The following RIMBP2 variants were observed in gnomAD, a reference collection of about 807,000 sequenced individuals.
RIMBP2 encodes RIMS binding protein 2.
RIMBP2 carries 48 observed loss-of-function variants against 118.6 expected under a neutral mutation model. The observed-to-expected ratio is 0.40, with a 90% CI of 0.32 to 0.51. The LOEUF (loss-of-function observed/expected upper bound fraction) is 0.51, where lower values mean the gene tolerates loss of function less well. Ranked by LOEUF, RIMBP2 falls within the 20% of genes least tolerant of loss-of-function variation. The pLI, the probability that RIMBP2 is intolerant of heterozygous loss-of-function variation, is 0.41. For synonymous variants in RIMBP2, 762 were observed against 742.9 expected, an observed-to-expected ratio of 1.03 and a Z score of -0.42; for missense variants, 1,551 against 1,768.3, an observed-to-expected ratio of 0.88 and a Z score of 2.20.
intron 2 of RIMBP2, among the ~76,000 whole-genome samples, chr12:130,599,644 C>T (rs2059758136): frequency 6.6e-6 from 1 of 152,230 alleles, no homozygotes; most frequent in African/African-American, 2.4e-5. Flanking sequence ...GATTGGAACT[C>T]TCATATACTG....
intron 1 of RIMBP2, among the ~76,000 whole-genome samples, chr12:130,664,164 C>A (rs1466354605): frequency 6.6e-6 from 1 of 151,734 alleles, no homozygotes; most frequent in African/African-American, 2.4e-5. Flanking sequence ...TTGGTAAAGT[C>A]TTTTCCCCTA....
At chr12:130,404,086 G>A (rs1195996174) in intron 21 of RIMBP2, among the ~76,000 whole-genome samples, 4 of 152,074 alleles carry the variant, frequency 2.6e-5, no homozygotes, top group Non-Finnish European at 5.9e-5. Flanking sequence ...TAAAAATGAT[G>A]ACAAATTATA....
chr12:130,445,143 C>T lies in RIMBP2; in HGVS notation c.691+17G>A. 1 of 1,551,038 alleles carries T rather than the reference C, an allele frequency of 6.4e-7. No homozygotes were observed. The highest frequency in any genetic ancestry group is 8.8e-7 in the Non-Finnish European group (1 of 1,137,194). The stretch of plus-strand genomic sequence containing the variant: ...TGGCCCAGCCTACGTCCGCCACAGC[C>T]ATGTTCCAACAGAGACCTTCATAGA... On this transcript the variant is annotated intron_variant, in intron 10 of 22. Coordinates refer to ENST00000690449, the MANE Select transcript of RIMBP2 (RefSeq NM_001393629.1).
intron 2 of RIMBP2, among the ~76,000 whole-genome samples, chr12:130,616,242 C>A (rs147112519): frequency 2.0e-5 from 3 of 152,194 alleles, no homozygotes; most frequent in Admixed American, 6.5e-5. Context: ...ATTCTGTCTC[C>A]GGTTCCCCGC....
chr12:130,555,974 C>T (rs2056312396), intron 2 of RIMBP2, among the ~76,000 whole-genome samples: 1 of 152,192 alleles, frequency 6.6e-6, no homozygotes, highest in African/African-American at 2.4e-5. Flanking sequence ...CCGACAGGAA[C>T]ATCATGGTTG....
intron 3 of RIMBP2, among the ~76,000 whole-genome samples, chr12:130,514,975 C>G (rs1191021237): frequency 6.6e-6 from 1 of 152,106 alleles, no homozygotes; most frequent in Non-Finnish European, 1.5e-5. Context: ...CTCCCGGGTT[C>G]ATGCCATTCT....
At chr12:130,488,462 G>A (rs1021757349) in intron 4 of RIMBP2, among the ~76,000 whole-genome samples, 5 of 151,826 alleles carry the variant, frequency 3.3e-5, no homozygotes, top group Admixed American at 1.3e-4. Flanking sequence ...TGAGGTCTAC[G>A]AACCAGCCAA....
intron 1 of RIMBP2, among the ~76,000 whole-genome samples, chr12:130,712,285 T>C (rs1949976716): frequency 6.6e-6 from 1 of 152,216 alleles, no homozygotes; most frequent in Non-Finnish European, 1.5e-5. Flanking sequence ...TTTTTTACCT[T>C]TTGGACTCTT....
intron 2 of RIMBP2, among the ~76,000 whole-genome samples, chr12:130,590,143 G>C (rs557530082): frequency 1.3e-5 from 2 of 152,144 alleles, no homozygotes; most frequent in East Asian, 1.9e-4. Context: ...CCACACCCAC[G>C]GGGAAAGGCA....
rs2058093887 is a variant in RIMBP2 at position 130,576,526 on chromosome 12, C to T, written c.-217+51796G>A. Among the ~76,000 whole-genome samples the T allele has an allele frequency of 6.6e-6, 1 of 152,132 alleles. No homozygotes were observed. The highest frequency in any genetic ancestry group is 1.5e-5 in the Non-Finnish European group (1 of 68,028). On this transcript the variant is annotated intron_variant, in intron 2 of 22. Coordinates refer to ENST00000690449, the MANE Select transcript of RIMBP2 (RefSeq NM_001393629.1). The surrounding 1 kb of genome is among the most constrained non-coding windows in gnomAD (Gnocchi z 4.2). ...GATGGCCCCTGCATGTGCACTTGCT[C>T]ATACCCAGAACCAAAGCAATCACCC...
At chr12:130,642,071 G>A (rs1189380516) in intron 1 of RIMBP2, among the ~76,000 whole-genome samples, 1 of 152,132 alleles carries the variant, frequency 6.6e-6, no homozygotes, top group Non-Finnish European at 1.5e-5. Context: ...TGGTGCTAAA[G>A]CCATGTTTCT....
Position 130,434,158 on chromosome 12 carries a change from C to CGGTT in RIMBP2, c.2253+572_2253+575dup, listed in dbSNP as rs2136985343. Among the ~76,000 whole-genome samples, 1 of 152,286 alleles carries CGGTT rather than the reference C, an allele frequency of 6.6e-6. No homozygotes were observed. The highest frequency in any genetic ancestry group is 6.5e-5 in the Admixed American group (1 of 15,304). On this transcript the variant is annotated intron_variant, in intron 14 of 22. Coordinates refer to ENST00000690449, the MANE Select transcript of RIMBP2 (RefSeq NM_001393629.1). This position sits in a 1 kb window ranked among gnomAD's most constrained non-coding sequence, Gnocchi z 5.7. ...CACTATTTAGCATTCCCCAGGCCCT[C>CGGTT]GGTTATTTCCAGTCCCTCCTGTTGT...
At chr12:130,634,708 C>T (rs1041841420) in intron 1 of RIMBP2, among the ~76,000 whole-genome samples, 1 of 152,154 alleles carries the variant, frequency 6.6e-6, no homozygotes, top group Admixed American at 6.5e-5. Context: ...CCTTCCACCT[C>T]AGCCTCCCAA....
chr12:130,652,641 T>C (rs1432517935), intron 1 of RIMBP2, among the ~76,000 whole-genome samples: 2 of 152,210 alleles, frequency 1.3e-5, no homozygotes, highest in Non-Finnish European at 2.9e-5. Flanking sequence ...TTTTGCCATA[T>C]GTATTATATT....
intron 2 of RIMBP2, among the ~76,000 whole-genome samples, chr12:130,618,036 G>A (rs1218090230): frequency 2.7e-3 from 94 of 34,538 alleles, no homozygotes; most frequent in East Asian, 3.2e-3. Context: ...AAAAAAAAAA[G>A]TAAAAAAGGG....
intron 2 of RIMBP2, among the ~76,000 whole-genome samples, chr12:130,579,584 T>G (rs1348026253): frequency 6.6e-6 from 1 of 152,164 alleles, no homozygotes; most frequent in Non-Finnish European, 1.5e-5. Flanking sequence ...GCTGTGAGTA[T>G]GACTGTGGGC....
At chr12:130,567,504 C>G (rs2057308568) in intron 2 of RIMBP2, among the ~76,000 whole-genome samples, 1 of 152,172 alleles carries the variant, frequency 6.6e-6, no homozygotes, top group Admixed American at 6.5e-5. Flanking sequence ...CCCCACTCTG[C>G]CTGAAGGGAC....
At chr12:130,653,257 T>C (rs6486561) in intron 1 of RIMBP2, among the ~76,000 whole-genome samples, 41,188 of 152,156 alleles carry the variant, frequency 0.27, 6,230 homozygotes, top group East Asian at 0.54. Flanking sequence ...ACAGTGGTGG[T>C]CTAGGCGTTG....
At chr12:130,640,453 AAAGTT>A (rs1362547426) in intron 1 of RIMBP2, among the ~76,000 whole-genome samples, 15 of 152,254 alleles carry the variant, frequency 9.9e-5, no homozygotes, top group African/African-American at 2.7e-4. Flanking sequence ...TTTCTAAAAT[AAAGTT>A]ATGTTCAGAA....
Sources: allele counts gnomAD v4.1 joint callset (sites outside exome capture counted in the v4.1 genomes callset), GRCh38; gene constraint gnomAD v4.1.1; non-coding constraint Gnocchi (gnomAD v3.1); transcripts MANE v1.5; gene names NCBI Gene and HGNC (gene_info 2026-07-23, HGNC 2026-07-21).